The following GRAMD2B variants were observed in gnomAD, a reference collection of about 807,000 sequenced individuals.
GRAMD2B encodes the protein GRAM domain containing 2B, also known as GRAM domain-containing protein 2B.
In GRAMD2B, 41 loss-of-function variants were observed where a neutral mutation model predicts 59.2. The observed-to-expected ratio is 0.69, with a 90% CI of 0.54 to 0.90. The LOEUF is 0.90. Ranked by LOEUF, GRAMD2B falls within the 40% of genes least tolerant of loss-of-function variation. The pLI, the probability that GRAMD2B is intolerant of heterozygous loss-of-function variation, is 0.00. For synonymous variants in GRAMD2B, 161 were observed against 182.7 expected (o/e 0.88, Z 0.96); for missense variants, 424 against 500.5 (o/e 0.85, Z 1.46).
upstream of GRAMD2B, among the ~76,000 whole-genome samples, chr5:126,369,575 T>C (rs765371530): frequency 6.6e-6 from 1 of 152,216 alleles, no homozygotes; most frequent in Non-Finnish European, 1.5e-5. Context: ...CCTAGCTTCA[T>C]TGTTGAAGCA....
chr5:126,378,502 A>G (rs902780519), intron 1 of GRAMD2B, among the ~76,000 whole-genome samples: 2 of 147,066 alleles, frequency 1.4e-5, no homozygotes, highest in African/African-American at 5.5e-5. Flanking sequence ...TTTCTTAAAG[A>G]AGACTCTAAA....
At chr5:126,471,657 C>T (rs1471226358) in intron 3 of GRAMD2B, among the ~76,000 whole-genome samples, 2 of 152,134 alleles carry the variant, frequency 1.3e-5, no homozygotes, top group South Asian at 2.1e-4. Flanking sequence ...CATATGTTGC[C>T]TTAGACTATA....
intron 1 of GRAMD2B, among the ~76,000 whole-genome samples, chr5:126,429,508 C>T (rs1264695202): frequency 1.3e-5 from 2 of 151,956 alleles, no homozygotes; most frequent in African/African-American, 4.8e-5. Context: ...ATATGACAAA[C>T]CTGCATATGT....
intron 13 of GRAMD2B, among the ~76,000 whole-genome samples, chr5:126,489,265 A>G (rs1361494790): frequency 6.6e-6 from 1 of 152,202 alleles, no homozygotes; most frequent in African/African-American, 2.4e-5. Context: ...GTACAGCCCC[A>G]ACTCCACCAA....
rs150297705 is a variant in GRAMD2B at position 126,380,861 on chromosome 5, C to T, written c.125+9294C>T. Among the ~76,000 whole-genome samples the T allele has an allele frequency of 1.6e-4, 25 of 152,258 alleles. No homozygotes were observed. The East Asian group carries it at 4.6e-3, about 28-fold the overall frequency. On this transcript the variant is annotated intron_variant, in intron 1 of 8. Transcript: ENST00000506445. ...TCACGGGCAAACAGTGACAGTTTGA[C>T]TTCCTCTTTACCCATTTGGATGCTT...
At chr5:126,402,809 C>G (rs1757952276) in intron 1 of GRAMD2B, among the ~76,000 whole-genome samples, 1 of 152,088 alleles carries the variant, frequency 6.6e-6, no homozygotes, top group South Asian at 2.1e-4. Context: ...TATTACCTTT[C>G]TAAGATCCAA....
chr5:126,470,086 T>G (rs1769263877), intron 3 of GRAMD2B, among the ~76,000 whole-genome samples: 2 of 152,106 alleles, frequency 1.3e-5, no homozygotes, highest in South Asian at 4.2e-4. Flanking sequence ...TATCCAATAA[T>G]TGGCAGGACA....
At chr5:126,415,268 A>T (rs1052836753) in intron 1 of GRAMD2B, among the ~76,000 whole-genome samples, 1 of 152,172 alleles carries the variant, frequency 6.6e-6, no homozygotes, top group Admixed American at 6.5e-5. Flanking sequence ...TCCATTTAAC[A>T]CCATGATGTT....
intron 8 of GRAMD2B, among the ~76,000 whole-genome samples, chr5:126,481,764 G>A (rs1368069623): frequency 6.6e-6 from 1 of 151,938 alleles, no homozygotes; most frequent in African/African-American, 2.4e-5. Context: ...TCAGGAGTTC[G>A]AGACCAGCCT....
At chr5:126,425,248 G>T (rs545623530) in intron 1 of GRAMD2B, among the ~76,000 whole-genome samples, 2 of 152,288 alleles carry the variant, frequency 1.3e-5, no homozygotes, top group South Asian at 4.1e-4. Context: ...CAGATGAATG[G>T]ATAAGAAAAT....
chr5:126,398,219 C>T (rs1311300849), intron 1 of GRAMD2B, among the ~76,000 whole-genome samples: 1 of 151,636 alleles, frequency 6.6e-6, no homozygotes, highest in Non-Finnish European at 1.5e-5. Flanking sequence ...AAAGGTCTCT[C>T]TATGTTGCCC....
chr5:126,473,380 T>G lies in GRAMD2B; in HGVS notation c.486+12T>G. 1.1e-6 allele frequency: 1 copy of G among 906,022 alleles called. No individual in the cohort carries two copies. Among genetic ancestry groups the G allele is most frequent in the Non-Finnish European group, 1.6e-6 (1 of 621,086 alleles). The allele number at this position is 906,022 out of a possible 1,614,324, so 56.1% of individuals were successfully genotyped here. ...GAAAAGACACAAAGGTTGGTATAAT[T>G]AAAAAAAAAAATGCTAACCCTATAC... On this transcript the variant is annotated intron_variant, in intron 5 of 13. Coordinates refer to ENST00000285689, the MANE Select transcript of GRAMD2B (RefSeq NM_023927.4).
intron 1 of GRAMD2B, among the ~76,000 whole-genome samples, chr5:126,429,059 A>G (rs1761109433): frequency 6.6e-6 from 1 of 152,180 alleles, no homozygotes; most frequent in Non-Finnish European, 1.5e-5. Context: ...AGGAATATAA[A>G]TTGTTCTTTT....
intron 1 of GRAMD2B, among the ~76,000 whole-genome samples, chr5:126,439,437 G>A (rs1356842213): frequency 5.5e-5 from 8 of 146,690 alleles, no homozygotes; most frequent in African/African-American, 1.8e-4. Context: ...AGTGATTCTC[G>A]TGCATCAGTC....
chr5:126,458,280 T>G (rs1222363535), intron 1 of GRAMD2B, among the ~76,000 whole-genome samples: 1 of 151,690 alleles, frequency 6.6e-6, no homozygotes, highest in Admixed American at 6.6e-5. Flanking sequence ...AAGAAAAATA[T>G]AAAAATTAGC....
intron 1 of GRAMD2B, among the ~76,000 whole-genome samples, chr5:126,444,502 T>G (rs778331842): frequency 3.3e-5 from 5 of 152,240 alleles, no homozygotes; most frequent in African/African-American, 4.8e-5. Context: ...TTGAAGTATA[T>G]GTTTATGATT....
intron 13 of GRAMD2B, among the ~76,000 whole-genome samples, chr5:126,489,898 T>C (rs1773610513): frequency 6.6e-6 from 1 of 152,226 alleles, no homozygotes; most frequent in Non-Finnish European, 1.5e-5. Flanking sequence ...GACATATTTC[T>C]TCATATTAAA....
chr5:126,392,944 G>T (rs1756969664), intron 1 of GRAMD2B, among the ~76,000 whole-genome samples: 1 of 152,128 alleles, frequency 6.6e-6, no homozygotes, highest in Non-Finnish European at 1.5e-5. Flanking sequence ...AAAGTGGAAG[G>T]TCATCTTTCT....
chr5:126,457,670 C>T (rs1432881894), intron 1 of GRAMD2B, among the ~76,000 whole-genome samples: 10 of 152,028 alleles, frequency 6.6e-5, no homozygotes, highest in Non-Finnish European at 2.9e-5. Flanking sequence ...GAGAAGGTGA[C>T]ATTCAAGTTA....
Sources: gnomAD v4.1 joint callset for allele counts (sites outside exome capture counted in the v4.1 genomes callset) on GRCh38, gnomAD v4.1.1 for gene constraint, MANE v1.5 for transcripts, NCBI Gene and HGNC (gene_info 2026-07-23, HGNC 2026-07-21) for gene names.